Variants in SCHIP1 observed in about 807,000 individuals in gnomAD.
SCHIP1 encodes schwannomin interacting protein 1.
A neutral mutation model predicts 29.7 loss-of-function variants in SCHIP1; 8 were observed. The ratio of observed to expected loss-of-function variants is 0.27; its 90% CI spans 0.16 to 0.49. The LOEUF is 0.49. SCHIP1 is among the 20% of genes least tolerant of loss of function. The pLI, the probability that SCHIP1 is intolerant of heterozygous loss-of-function variation, is 0.99. For missense variants in SCHIP1, 193 were observed against 294.6 expected (o/e 0.66, Z 2.52); for synonymous variants, 76 against 94.9 (o/e 0.80, Z 1.16).
intron 2 of SCHIP1, 55 bp from the exon 4 acceptor site, chr3:159,886,152 G>A (rs1716940919): frequency 6.3e-7 from 1 of 1,591,786 alleles, no homozygotes; most frequent in Admixed American, 1.7e-5. Flanking sequence ...TCTATTGGCT[G>A]AAGCCAAATA....
chr3:159,628,943 G>A, the SCHIP1 span, among the ~76,000 whole-genome samples: 1 of 151,672 alleles, frequency 6.6e-6, no homozygotes. Flanking sequence ...CACTCTTTAA[G>A]AAAAATTGTC....
At chr3:159,480,169 T>C in the SCHIP1 span, among the ~76,000 whole-genome samples, 1 of 152,186 alleles carries the variant, frequency 6.6e-6, no homozygotes, top group Non-Finnish European at 1.5e-5. Flanking sequence ...GCTACTTGAG[T>C]GAGTCATGGT....
At chr3:159,887,874 A>G (rs768507825) in exon 4 of SCHIP1, 5 of 1,613,928 alleles carry the variant, frequency 3.1e-6, no homozygotes, top group Non-Finnish European at 4.2e-6. Context: ...GTGGAGAAAC[A>G]GAACAGGAAA....
At chr3:159,547,466 G>A in the SCHIP1 span, among the ~76,000 whole-genome samples, 1 of 152,156 alleles carries the variant, frequency 6.6e-6, no homozygotes, top group Non-Finnish European at 1.5e-5. Flanking sequence ...TGCTTTTGGT[G>A]TTTTAGTTAT....
chr3:159,885,730 C>T (rs1230031961), intron 2 of SCHIP1, among the ~76,000 whole-genome samples: 2 of 152,222 alleles, frequency 1.3e-5, no homozygotes, highest in East Asian at 3.9e-4. Flanking sequence ...CTTCAGATGA[C>T]CCTATTCTGT....
chr3:159,847,322 C>A (rs2109069530), intron 1 of SCHIP1, among the ~76,000 whole-genome samples: 1 of 152,240 alleles, frequency 6.6e-6, no homozygotes, highest in South Asian at 2.1e-4. Context: ...ATTAATAGAG[C>A]CCTATCCCAT....
At chr3:159,519,268 G>A in the SCHIP1 span, among the ~76,000 whole-genome samples, 2 of 152,116 alleles carry the variant, frequency 1.3e-5, no homozygotes, top group Non-Finnish European at 2.9e-5. Flanking sequence ...AGGATATGTT[G>A]TTAAGGAGAA....
chr3:159,782,611 T>C, the SCHIP1 span, among the ~76,000 whole-genome samples: 1 of 152,170 alleles, frequency 6.6e-6, no homozygotes, highest in South Asian at 2.1e-4. Context: ...CCACCACCAC[T>C]CTGTGCTTAC....
the SCHIP1 span, among the ~76,000 whole-genome samples, chr3:159,677,609 C>T: frequency 5.9e-5 from 9 of 152,138 alleles, no homozygotes; most frequent in Non-Finnish European, 1.3e-4. Flanking sequence ...TAATTGAAAA[C>T]TTCTAAATAT....
chr3:159,328,411 G>A, the SCHIP1 span, among the ~76,000 whole-genome samples: 3 of 152,166 alleles, frequency 2.0e-5, no homozygotes, highest in Non-Finnish European at 2.9e-5. Flanking sequence ...GCACACTGTT[G>A]TGGGAACTGA....
At chr3:159,610,737 T>C in the SCHIP1 span, among the ~76,000 whole-genome samples, 1 of 152,038 alleles carries the variant, frequency 6.6e-6, no homozygotes, top group Non-Finnish European at 1.5e-5. Context: ...AGAATGGTAT[T>C]AAAAAATCTC....
the SCHIP1 span, among the ~76,000 whole-genome samples, chr3:159,543,500 G>A: frequency 2.0e-5 from 3 of 150,728 alleles, no homozygotes; most frequent in South Asian, 6.3e-4. Context: ...AGTTTACTGA[G>A]AATTATGATT....
chr3:159,869,593 G>A (rs1476045194), intron 2 of SCHIP1, among the ~76,000 whole-genome samples: 3 of 151,878 alleles, frequency 2.0e-5, no homozygotes, highest in Non-Finnish European at 4.4e-5. Flanking sequence ...CAAAACTATA[G>A]TGTTAATTAC....
chr3:159,328,644 T>C, the SCHIP1 span, among the ~76,000 whole-genome samples: 2 of 152,100 alleles, frequency 1.3e-5, no homozygotes, highest in African/African-American at 4.8e-5. Flanking sequence ...GAAATGCCCC[T>C]GTTGTAGCCT....
the SCHIP1 span, among the ~76,000 whole-genome samples, chr3:159,496,217 C>G: frequency 6.6e-6 from 1 of 152,124 alleles, no homozygotes; most frequent in Non-Finnish European, 1.5e-5. Flanking sequence ...GTCTAAAACA[C>G]CAAAAGCAAT....
chr3:159,541,333 G>C, the SCHIP1 span, among the ~76,000 whole-genome samples: 2 of 152,204 alleles, frequency 1.3e-5, no homozygotes, highest in South Asian at 2.1e-4. Flanking sequence ...GGCTACAGGG[G>C]CATAAACATT....
At chr3:159,467,035 A>G in the SCHIP1 span, among the ~76,000 whole-genome samples, 3 of 152,130 alleles carry the variant, frequency 2.0e-5, no homozygotes, top group Non-Finnish European at 4.4e-5. Flanking sequence ...TTTCCTGTTA[A>G]TATAAAACCT....
chr3:159,598,888 T>C, the SCHIP1 span, among the ~76,000 whole-genome samples: 1 of 152,286 alleles, frequency 6.6e-6, no homozygotes, highest in Non-Finnish European at 1.5e-5. Context: ...TGTTGGGTCT[T>C]ATATATTTAG....
the SCHIP1 span, among the ~76,000 whole-genome samples, chr3:159,576,682 C>T: frequency 1.3e-5 from 2 of 152,158 alleles, no homozygotes; most frequent in East Asian, 1.9e-4. Flanking sequence ...GTGTGACTCT[C>T]CTATGATCCT....
Sources: gnomAD v4.1 joint callset for allele counts (sites outside exome capture counted in the v4.1 genomes callset) on GRCh38, gnomAD v4.1.1 for gene constraint, MANE v1.5 for transcripts, NCBI Gene and HGNC (gene_info 2026-07-23, HGNC 2026-07-21) for gene names.